The following ESYT3 variants were observed in gnomAD, a reference collection of about 807,000 sequenced individuals.
ESYT3 encodes the protein extended synaptotagmin 3.
In ESYT3, 101 loss-of-function variants were observed where a neutral mutation model predicts 111.5. The observed-to-expected ratio is 0.91, with a 90% CI of 0.77 to 1.07. The LOEUF is 1.07. Ranked by LOEUF, ESYT3 falls within the 50% of genes least tolerant of loss-of-function variation. The pLI, the probability that ESYT3 is intolerant of heterozygous loss-of-function variation, is 0.00. For missense variants in ESYT3, 1,097 were observed against 1,109.4 expected, an observed-to-expected ratio of 0.99 and a Z score of 0.16; for synonymous variants, 416 against 446.8, an observed-to-expected ratio of 0.93 and a Z score of 0.87.
chr3:138,460,103 C>T (rs2032540756), intron 6 of ESYT3, 69 bp downstream of exon 6: 36 of 1,432,038 alleles, frequency 2.5e-5, no homozygotes, highest in Non-Finnish European at 3.5e-5. Flanking sequence ...GGGCCCTAGA[C>T]ATTGGGTTTG....
At chr3:138,472,953 A>G (rs2033307165) in intron 18 of ESYT3, 94 bp downstream of exon 18, 1 of 1,519,114 alleles carries the variant, frequency 6.6e-7, no homozygotes, top group Non-Finnish European at 8.8e-7. Context: ...ATTTCTGTGC[A>G]AGTTGTTTTT....
In ESYT3 at chr3:138,471,124, A is replaced by G. The variant is rs1560242837; in HGVS notation, c.1740+98A>G. On this transcript the variant is annotated intron_variant, in intron 17 of 22. Transcript: ENST00000389567. Reference sequence around the variant, plus strand: ...CACTAAGCACCTGCTGTGTGCCTGGAAGAAGCCAGGAGATGGATTCATGTT... The same window carrying G: ...CACTAAGCACCTGCTGTGTGCCTGGGAGAAGCCAGGAGATGGATTCATGTT... The G allele has an allele frequency of 3.1e-6, 3 of 977,604 alleles. No homozygotes were observed. The East Asian group carries it at 7.2e-5, about 24-fold the overall frequency. The allele number at this position is 977,604 out of a possible 1,614,324, so 60.6% of individuals were successfully genotyped here.
Position 138,476,892 on chromosome 3 carries a change from G to C in ESYT3, c.*38G>C, listed in dbSNP as rs1560251283. On this transcript the variant is annotated 3_prime_UTR_variant, in exon 23 of 23. Coordinates refer to ENST00000389567, the MANE Select transcript of ESYT3 (RefSeq NM_031913.5). ...TTATCACTCACCTTTATATTAAAAT[G>C]TATATATATGTATATATTTTTTCCT... The C allele has an allele frequency of 6.7e-7, 1 of 1,494,778 alleles. No individual in the cohort carries two copies. The highest frequency in any genetic ancestry group is 9.1e-7 in the Non-Finnish European group (1 of 1,095,726). The allele number at this position is 1,494,778 out of a possible 1,614,324, so 92.6% of individuals were successfully genotyped here.
rs1257857100 is a variant in ESYT3 at position 138,476,308 on chromosome 3, A to G, written c.2554A>G (p.Arg852Gly). 1.9e-6 allele frequency: 3 copies of G among 1,613,474 alleles called. No individual in the cohort carries two copies. Among genetic ancestry groups the G allele is most frequent in the Non-Finnish European group, 2.5e-6 (3 of 1,179,384 alleles). The change falls in exon 21 of 23, where the codon AGA becomes GGA. Residue 852 changes from arginine to glycine, a missense_variant. By Grantham distance (125) the Arg-to-Gly change is moderately radical. Coordinates refer to ENST00000389567, the MANE Select transcript of ESYT3 (RefSeq NM_031913.5). ...AAATAGTAGGCCACTTGGCTCACACAGAAGAAAGGAGTTAGGAAAAGTAAG... is the reference window on the plus strand; with the variant it reads ...AAATAGTAGGCCACTTGGCTCACACGGAAGAAAGGAGTTAGGAAAAGTAAG... ...VKNSRPLGSH[R>G]RKELGKVLID...
At chr3:138,469,336 G>A in intron 14 of ESYT3, 100 bp from the exon 15 acceptor site, 1 of 985,692 alleles carries the variant, frequency 1.0e-6, no homozygotes, top group Non-Finnish European at 1.6e-6. Flanking sequence ...TAACTGGGTG[G>A]CCCCAGTTCC....
At chr3:138,469,555 CTT>C in intron 15 of ESYT3, 51 bp downstream of exon 15, 2 of 1,526,554 alleles carry the variant, frequency 1.3e-6, no homozygotes, top group East Asian at 4.5e-5. Context: ...GGACCCAGCC[CTT>C]CTCAGGGAGA....
intron 19 of ESYT3, 120 bp downstream of exon 19, chr3:138,473,754 GA>G: frequency 1.2e-6 from 1 of 864,676 alleles, no homozygotes; most frequent in Non-Finnish European, 1.8e-6. Context: ...CACTTTGGGG[GA>G]AAAATGAGAT....
intron 4 of ESYT3, among the ~76,000 whole-genome samples, chr3:138,458,888 G>A (rs558339503): frequency 6.6e-6 from 1 of 152,296 alleles, no homozygotes; most frequent in East Asian, 1.9e-4. Flanking sequence ...CGTGGGGTGA[G>A]GTGAGTGCCT....
In ESYT3 at chr3:138,469,428, C is replaced by T. The variant is rs373161797; in HGVS notation, c.1435-8C>T. 2.7e-5 allele frequency: 43 copies of T among 1,612,374 alleles called. No homozygotes were observed. In the African/African-American group the frequency reaches 5.3e-4, roughly 20 times the overall value. The stretch of plus-strand genomic sequence containing the variant: ...CACCTTCACTGTTATGGATTTGATT[C>T]CTCACAGAACAAGGTCAGCAAAGAC... On this transcript the variant is annotated splice_polypyrimidine_tract_variant and splice_region_variant and intron_variant, in intron 14 of 22. Transcript: ENST00000389567.
rs781488385 is a variant in ESYT3, at chr3:138,476,868, T to TATCA, written c.*15_*18dup. 26 of 1,607,380 alleles carry TATCA rather than the reference T, an allele frequency of 1.6e-5. No homozygotes were observed. In the African/African-American group the frequency reaches 3.3e-4, roughly 21 times the overall value. On this transcript the variant is annotated 3_prime_UTR_variant, in exon 23 of 23. Coordinates refer to ENST00000389567, the MANE Select transcript of ESYT3 (RefSeq NM_031913.5). ...CCCAGAAGCTGATGATGAGAATTCT[T>TATCA]ATCACTCACCTTTATATTAAAATGT...
At chr3:138,473,245 T>C in intron 18 of ESYT3, 1 of 795,324 alleles carries the variant, frequency 1.3e-6, no homozygotes, top group South Asian at 3.2e-5. Context: ...ACAATAACCC[T>C]ACAAGATGGA....
intron 8 of ESYT3, 114 bp from the exon 9 acceptor site, chr3:138,464,231 C>T (rs753871775): frequency 1.2e-5 from 15 of 1,231,256 alleles, no homozygotes; most frequent in Admixed American, 1.1e-4. Flanking sequence ...TGGTCCAGAC[C>T]GTGGAGGGGG....
At chr3:138,462,348 G>A (rs879598705) in intron 8 of ESYT3, 142 bp downstream of exon 8, 42 of 1,173,080 alleles carry the variant, frequency 3.6e-5, no homozygotes, top group East Asian at 1.0e-4. Context: ...CATCGCCCAC[G>A]TCATAATTAC....
chr3:138,459,442 C>T (rs1169908021), intron 5 of ESYT3, among the ~76,000 whole-genome samples, 189 bp downstream of exon 5: 1 of 152,192 alleles, frequency 6.6e-6, no homozygotes, highest in Non-Finnish European at 1.5e-5. Flanking sequence ...CTTCACCAAC[C>T]CACTACTGTG....
chr3:138,477,094 G>A lies in ESYT3; in HGVS notation c.*240G>A. ...GGTTGGATTTTTTTGTTCAAGTCCA[G>A]AAAGAAATGTTATATTTGTGCCTAC... On this transcript the variant is annotated 3_prime_UTR_variant, in exon 23 of 23. Coordinates refer to ENST00000389567, the MANE Select transcript of ESYT3 (RefSeq NM_031913.5). 1 of 401,690 alleles carries A rather than the reference G, an allele frequency of 2.5e-6. No homozygotes were observed. Among genetic ancestry groups the A allele is most frequent in the African/African-American group, 2.1e-5 (1 of 48,326 alleles). 24.9% of individuals were successfully genotyped at this position (401,690 alleles called of 1,614,324 possible).
chr3:138,468,672 C>T lies in ESYT3; in HGVS notation c.1326C>T (p.Ser442=). Residue 442 remains serine, a synonymous_variant, in exon 13 of 23, where the codon TCC becomes TCT. Transcript: ENST00000389567. ...EVLTEDHGGL[S]TAILVVFLES... is the part of the protein sequence containing the mutation. ...GTTTGCAGGACCATGGTGGCCTTTC[C>T]ACTGCCATTCTCGTGGTCTTCTTGG... is the stretch of plus-strand genomic sequence containing the variant. 6.2e-7 allele frequency: 1 copy of T among 1,614,134 alleles called. No homozygotes were observed. The highest frequency in any genetic ancestry group is 8.5e-7 in the Non-Finnish European group (1 of 1,180,026).
chr3:138,451,936 A>C, intron 1 of ESYT3, 112 bp from the exon 2 acceptor site: 4 of 1,175,514 alleles, frequency 3.4e-6, no homozygotes, highest in Non-Finnish European at 3.8e-6. Flanking sequence ...GCGGGGAGGA[A>C]GGGTTGAGGT....
chr3:138,470,080 C>A lies in ESYT3; in HGVS notation c.1524C>A (p.Asp508Glu), dbSNP rs200614434. 4.2e-4 allele frequency: 684 copies of A among 1,613,072 alleles called. 2 individuals carry two copies. The highest frequency in any genetic ancestry group is 5.4e-4 in the Non-Finnish European group (636 of 1,179,314). Residue 508 changes from aspartate (D) to glutamate (E), a missense_variant, in exon 16 of 23, where the codon GAC (aspartate) becomes GAA (glutamate). Asp to Glu is a conservative substitution (Grantham distance 45). Transcript: ENST00000389567. Reference sequence around the variant, plus strand: ...CCCAGACCTGTCCCCACAACAAGGACCCTGTGTGGAGCCAGGTGTTCTCCT... The same window carrying A: ...CCCAGACCTGTCCCCACAACAAGGAACCTGTGTGGAGCCAGGTGTTCTCCT... ...HTSKTCPHNKDPVWSQVFSFF... is the reference protein window; with the variant it reads ...HTSKTCPHNKEPVWSQVFSFF...
In ESYT3 at chr3:138,472,657, A is replaced by T. The variant is rs188083876; in HGVS notation, c.2035A>T (p.Ile679Phe). 1.8e-4 allele frequency: 288 copies of T among 1,614,240 alleles called. No homozygotes were observed. In the East Asian group the frequency reaches 4.2e-3, roughly 24 times the overall value. ...CAGTGCCAAAAGGTTCTGTGAGCCCATCGGGGAGAAGAAGAGTCCAGCCAC... is the reference window on the plus strand; with the variant it reads ...CAGTGCCAAAAGGTTCTGTGAGCCCTTCGGGGAGAAGAAGAGTCCAGCCAC... ...KDSAKRFCEP[I>F]GEKKSPATIF... Residue 679 changes from isoleucine (I) to phenylalanine (F), a missense_variant, in exon 18 of 23, where the codon ATC (isoleucine) becomes TTC (phenylalanine). By Grantham distance (21) the Ile-to-Phe change is conservative (BLOSUM62 0). Transcript: ENST00000389567.
Sources: allele counts gnomAD v4.1 joint callset (sites outside exome capture counted in the v4.1 genomes callset), GRCh38; gene constraint gnomAD v4.1.1; transcripts MANE v1.5; gene names NCBI Gene and HGNC (gene_info 2026-07-23, HGNC 2026-07-21).